Variants in RHBDL3 observed in about 807,000 individuals in gnomAD.
RHBDL3 encodes the protein rhomboid like 3.
RHBDL3 carries 28 observed loss-of-function variants against 48.2 expected under a neutral mutation model. The observed-to-expected ratio is 0.58, with a 90% CI of 0.43 to 0.80. The LOEUF (loss-of-function observed/expected upper bound fraction) is 0.80, where lower values mean the gene tolerates loss of function less well. RHBDL3 is among the 30% of genes least tolerant of loss of function. The probability of loss-of-function intolerance (pLI) is 0.00; values close to 1 mark genes in which losing one functional copy is unlikely to be tolerated. For synonymous variants in RHBDL3, 208 were observed against 232.3 expected (o/e 0.90, Z 0.95); for missense variants, 464 against 542.7 (o/e 0.85, Z 1.44).
intron 8 of RHBDL3, 22 bp downstream of exon 8, chr17:32,316,314 G>T (rs771677259): frequency 6.3e-7 from 1 of 1,599,166 alleles, no homozygotes; most frequent in Admixed American, 1.7e-5. Flanking sequence ...TGGGGCGCTG[G>T]GGAACCAAAG....
rs115380267 is a variant in RHBDL3, at chr17:32,318,754, G to A, written c.944-2204G>A. 2.0e-3 allele frequency among the ~76,000 whole-genome samples: 300 copies of A among 152,260 alleles called. 1 individual carries two copies. The highest frequency in any genetic ancestry group is 6.7e-3 in the African/African-American group (280 of 41,534). On this transcript the variant is annotated intron_variant, in intron 8 of 8. Transcript: ENST00000269051. ...CTACCTGCTGTGTAGGTAAGAGGAA[G>A]ACTGAGTCTGAACAAACCTGGGATG...
At chr17:32,307,365 A>G (rs1253678827) in intron 7 of RHBDL3, among the ~76,000 whole-genome samples, 1 of 152,170 alleles carries the variant, frequency 6.6e-6, no homozygotes, top group Admixed American at 6.5e-5. Context: ...CAGATGTTTG[A>G]ATGCTCAATG....
intron 2 of RHBDL3, among the ~76,000 whole-genome samples, chr17:32,281,349 G>A (rs1168938196): frequency 6.7e-6 from 1 of 149,888 alleles, no homozygotes; most frequent in Non-Finnish European, 1.5e-5. Context: ...CCCACCCCAC[G>A]GCCCTCCCCA....
intron 5 of RHBDL3, among the ~76,000 whole-genome samples, chr17:32,295,403 A>G (rs1045452606): frequency 6.6e-6 from 1 of 152,242 alleles, no homozygotes; most frequent in Admixed American, 6.5e-5. Context: ...CAGGCCAAAG[A>G]GGACCATTGG....
intron 5 of RHBDL3, among the ~76,000 whole-genome samples, chr17:32,295,250 A>T (rs1567777342): frequency 6.6e-6 from 1 of 152,166 alleles, no homozygotes; most frequent in Non-Finnish European, 1.5e-5. Flanking sequence ...CAGCAGAAAG[A>T]CCCACAATGG....
At chr17:32,267,961 C>T (rs765115056) in intron 2 of RHBDL3, 36 bp downstream of exon 2, 1 of 1,534,230 alleles carries the variant, frequency 6.5e-7, no homozygotes, top group South Asian at 1.1e-5. Flanking sequence ...TCCTTCCAGC[C>T]CTCCCTGAAA....
At chr17:32,295,513 G>A (rs1178450426) in intron 5 of RHBDL3, among the ~76,000 whole-genome samples, 1 of 152,246 alleles carries the variant, frequency 6.6e-6, no homozygotes, top group Admixed American at 6.5e-5. Context: ...CCACTCATGA[G>A]CCAGGGGTGA....
At chr17:32,315,223 G>A (rs9911293) in intron 7 of RHBDL3, among the ~76,000 whole-genome samples, 4,955 of 152,330 alleles carry the variant, frequency 0.033, 278 homozygotes, top group African/African-American at 0.11. Context: ...GGCAGCAAAG[G>A]CAGATTGGGT....
chr17:32,300,346 C>T (rs1227339169), intron 6 of RHBDL3, among the ~76,000 whole-genome samples: 2 of 152,002 alleles, frequency 1.3e-5, no homozygotes, highest in African/African-American at 4.8e-5. Context: ...CCAAGAGTTC[C>T]AGGCCAAGCT....
At chr17:32,271,250 CAGCTATGCTAGCATCACTTATTAAGTA>C (rs2039767367) in intron 2 of RHBDL3, among the ~76,000 whole-genome samples, 5 of 152,164 alleles carry the variant, frequency 3.3e-5, no homozygotes, top group Admixed American at 3.3e-4. Flanking sequence ...GATTCCTATC[CAGCTATGCTAGCATCACTTATTAAGTA>C]AGCCTTCTTT....
rs2040150263 is a variant in RHBDL3, at chr17:32,284,597, C to T, written c.136-62C>T. On this transcript the variant is annotated intron_variant, in intron 2 of 8. Transcript: ENST00000269051. ...GAATAGTGGTGGAGATCAGGGCACC[C>T]ACATCAGTGTGAAGAGGAGGTGGTG... 4 of 1,524,172 alleles carry T rather than the reference C, an allele frequency of 2.6e-6. No individual in the cohort carries two copies. In the Admixed American group the frequency reaches 5.1e-5, roughly 20 times the overall value. 94.4% of individuals were successfully genotyped at this position (1,524,172 alleles called of 1,614,324 possible).
At chr17:32,286,126 C>A (rs1352110344) in intron 3 of RHBDL3, among the ~76,000 whole-genome samples, 1 of 152,178 alleles carries the variant, frequency 6.6e-6, no homozygotes, top group African/African-American at 2.4e-5. Flanking sequence ...TGGAACCCAG[C>A]AGTGCCACCA....
intron 3 of RHBDL3, among the ~76,000 whole-genome samples, chr17:32,287,860 G>A (rs1460887369): frequency 6.6e-6 from 1 of 152,226 alleles, no homozygotes; most frequent in South Asian, 2.1e-4. Context: ...TGGAAGGCAG[G>A]TGGGAGGTAA....
intron 2 of RHBDL3, among the ~76,000 whole-genome samples, chr17:32,283,311 T>TTTC (rs1278057815): frequency 3.5e-4 from 52 of 148,040 alleles, no homozygotes; most frequent in Middle Eastern, 3.4e-3. Context: ...GATCCTGCCT[T>TTTC]TTCTTCTTTT....
At chr17:32,295,531 C>T (rs2040425969) in intron 5 of RHBDL3, among the ~76,000 whole-genome samples, 1 of 152,230 alleles carries the variant, frequency 6.6e-6, no homozygotes, top group Admixed American at 6.5e-5. Context: ...TGACAACAGA[C>T]ACGGGGGCTT....
rs575188461 is a variant in RHBDL3 at position 32,324,319 on chromosome 17, C to T, written c.*3090C>T. On this transcript the variant is annotated 3_prime_UTR_variant, in exon 9 of 9. Coordinates refer to ENST00000269051, the MANE Select transcript of RHBDL3 (RefSeq NM_138328.3). ...GATTTCCATGAGAACCATTCTTGCC[C>T]AGAGGATTAGGGGAGCTGTTGCTCA... is the stretch of plus-strand genomic sequence containing the variant. 4 of 152,768 alleles carry T rather than the reference C, an allele frequency of 2.6e-5. No individual in the cohort carries two copies. Among genetic ancestry groups the T allele is most frequent in the African/African-American group, 9.6e-5 (4 of 41,570 alleles). The allele number at this position is 152,768 out of a possible 1,614,324, so 9.5% of individuals were successfully genotyped here. A position where few individuals can be genotyped will look rare whatever the true frequency, so the allele number is the denominator to read the frequency against.
chr17:32,272,298 C>T (rs368924373), intron 2 of RHBDL3, among the ~76,000 whole-genome samples: 1 of 152,226 alleles, frequency 6.6e-6, no homozygotes, highest in Non-Finnish European at 1.5e-5. Flanking sequence ...TCTCCCCTTC[C>T]CAGTTCCCTG....
intron 8 of RHBDL3, among the ~76,000 whole-genome samples, chr17:32,320,008 C>T (rs1396532126): frequency 6.6e-6 from 1 of 152,050 alleles, no homozygotes; most frequent in Non-Finnish European, 1.5e-5. Context: ...TGTGGTGGCT[C>T]ATGCCTATAA....
At chr17:32,282,314 C>T (rs570005854) in intron 2 of RHBDL3, among the ~76,000 whole-genome samples, 3 of 152,262 alleles carry the variant, frequency 2.0e-5, no homozygotes, top group Admixed American at 2.0e-4. Context: ...TGCCTGTAAT[C>T]CCAGTACTTT....
Sources: allele counts gnomAD v4.1 joint callset (sites outside exome capture counted in the v4.1 genomes callset), GRCh38; gene constraint gnomAD v4.1.1; transcripts MANE v1.5; gene names NCBI Gene and HGNC (gene_info 2026-07-23, HGNC 2026-07-21).